Variants in LMX1B observed in about 807,000 individuals in gnomAD.
The protein encoded by LMX1B is LIM homeobox transcription factor 1-beta.
A neutral mutation model predicts 51.4 loss-of-function variants in LMX1B; 12 were observed. The observed-to-expected ratio is 0.23, with a 90% CI of 0.15 to 0.38. The LOEUF is 0.38. Ranked by LOEUF, LMX1B falls within the 10% of genes least tolerant of loss-of-function variation. The pLI is 1.00. For missense variants in LMX1B, 445 were observed against 571.1 expected (o/e 0.78, Z 2.25); for synonymous variants, 237 against 235.4 (o/e 1.01, Z -0.06).
chr9:126,630,701 G>C (rs1304277507), intron 2 of LMX1B, among the ~76,000 whole-genome samples: 3 of 152,178 alleles, frequency 2.0e-5, no homozygotes, highest in Non-Finnish European at 4.4e-5. Context: ...AGTGCCTTCT[G>C]AGTACTTTGC....
intron 2 of LMX1B, among the ~76,000 whole-genome samples, chr9:126,630,276 A>T (rs1260555557): frequency 6.6e-6 from 1 of 151,962 alleles, no homozygotes; most frequent in Non-Finnish European, 1.5e-5. Context: ...GGGGCTATGC[A>T]GCACAGAGTC....
At chr9:126,661,723 C>CAGCGGGGGCCGAGT (rs1472477086) in intron 2 of LMX1B, among the ~76,000 whole-genome samples, 2 of 152,140 alleles carry the variant, frequency 1.3e-5, no homozygotes, top group Non-Finnish European at 2.9e-5. Context: ...GAGCAGGCAC[C>CAGCGGGGGCCGAGT]TGAGAATGCC....
At position 126,669,836 on chromosome 9, in the gene LMX1B, G is replaced by A. The variant is rs1403858091; in HGVS notation, c.327-21000G>A. ...CCCAAAGTTCCTCAGGATCTGGGCAGTCCGCTCCTCTGCCCTTCCCCCAGG... is the reference window on the plus strand; with the variant it reads ...CCCAAAGTTCCTCAGGATCTGGGCAATCCGCTCCTCTGCCCTTCCCCCAGG... On this transcript the variant is annotated intron_variant, in intron 2 of 7. Transcript: ENST00000373474. 2.6e-5 allele frequency among the ~76,000 whole-genome samples: 4 copies of A among 152,142 alleles called. No homozygotes were observed. The East Asian group carries it at 7.7e-4, about 29-fold the overall frequency.
intron 2 of LMX1B, among the ~76,000 whole-genome samples, chr9:126,651,455 C>A (rs968432702): frequency 6.6e-6 from 1 of 152,096 alleles, no homozygotes; most frequent in African/African-American, 2.4e-5. Context: ...AGGGTTGTCT[C>A]AAGGGGACAG....
Position 126,658,391 on chromosome 9 carries a change from G to T in LMX1B, c.327-32445G>T, listed in dbSNP as rs764367033. On this transcript the variant is annotated intron_variant, in intron 2 of 7. Transcript: ENST00000373474. The surrounding 1 kb of genome is among the most constrained non-coding windows in gnomAD (Gnocchi z 4.0). The stretch of plus-strand genomic sequence containing the variant: ...TCGGCTGGCCCTCCCCCTGGCTGCC[G>T]GGCCCGGGCACCCCTGCTGCTGACC... Among the ~76,000 whole-genome samples the T allele has an allele frequency of 6.7e-6, 1 of 148,770 alleles. No individual in the cohort carries two copies. The highest frequency in any genetic ancestry group is 2.1e-4 in the East Asian group (1 of 4,864).
chr9:126,688,966 T>C (rs887737764), intron 2 of LMX1B, among the ~76,000 whole-genome samples: 1 of 152,236 alleles, frequency 6.6e-6, no homozygotes, highest in Non-Finnish European at 1.5e-5. Flanking sequence ...ACCCGTGTAC[T>C]GAGTTACATG....
intron 2 of LMX1B, among the ~76,000 whole-genome samples, chr9:126,645,182 C>A (rs1037061688): frequency 6.6e-6 from 1 of 152,200 alleles, no homozygotes; most frequent in African/African-American, 2.4e-5. Flanking sequence ...AGGGATCTCA[C>A]CTCCCAGAGA....
Position 126,641,899 on chromosome 9 carries a change from G to C in LMX1B, c.326+26330G>C, listed in dbSNP as rs777192639. On this transcript the variant is annotated intron_variant, in intron 2 of 7. Transcript: ENST00000373474. The surrounding 1 kb of genome is among the most constrained non-coding windows in gnomAD (Gnocchi z 4.1). ...GCCCTGGGCAGAGCACTTCACCCAC[G>C]TTCTCTCAGAACTCTGTGAGATAGG... Among the ~76,000 whole-genome samples, 1 of 152,148 alleles carries C rather than the reference G, an allele frequency of 6.6e-6. No homozygotes were observed. Among genetic ancestry groups the C allele is most frequent in the South Asian group, 2.1e-4 (1 of 4,832 alleles).
At chr9:126,667,304 G>A (rs1836359379) in intron 2 of LMX1B, among the ~76,000 whole-genome samples, 1 of 152,212 alleles carries the variant, frequency 6.6e-6, no homozygotes, top group Admixed American at 6.5e-5. Flanking sequence ...ACGCAGATTT[G>A]CTGTATCTTG....
In LMX1B at chr9:126,691,052, C is replaced by G; in HGVS notation, c.543C>G (p.Pro181=). The G allele has an allele frequency of 6.2e-7, 1 of 1,610,768 alleles. No homozygotes were observed. The highest frequency in any genetic ancestry group is 8.5e-7 in the Non-Finnish European group (1 of 1,178,358). Residue 181 remains proline, a synonymous_variant, in exon 3 of 8, where the codon CCC becomes CCG. Coordinates refer to ENST00000373474, the MANE Select transcript of LMX1B (RefSeq NM_001174147.2). ...KEKDLLSSVS[P]DESDSVKSED... is the part of the protein sequence containing the mutation. The stretch of plus-strand genomic sequence containing the variant: ...AGGACCTGCTCAGCTCCGTGAGCCC[C>G]GACGAGTCCGACTCCGGTGAGGCCT...
chr9:126,644,519 G>C (rs2118888483), intron 2 of LMX1B, among the ~76,000 whole-genome samples: 1 of 152,272 alleles, frequency 6.6e-6, no homozygotes, highest in African/African-American at 2.4e-5. Flanking sequence ...AGTTATCTTT[G>C]GGGATCAATT....
Position 126,615,685 on chromosome 9 carries a change from G to GC in LMX1B, c.326+117dup. 1 of 958,184 alleles carries GC rather than the reference G, an allele frequency of 1.0e-6. No individual in the cohort carries two copies. 59.4% of individuals were successfully genotyped at this position (958,184 alleles called of 1,614,324 possible). A position where few individuals can be genotyped will look rare whatever the true frequency, so the allele number is the denominator to read the frequency against. ...CCGGCTCTGTGCGCGGCTGGGCCGG[G>GC]CAGCTCCAAGGGTTCCGAGAGCTGC... On this transcript the variant is annotated intron_variant, in intron 2 of 7. Coordinates refer to ENST00000373474, the MANE Select transcript of LMX1B (RefSeq NM_001174147.2). The surrounding 1 kb of genome is among the most constrained non-coding windows in gnomAD (Gnocchi z 6.0).
chr9:126,634,268 C>T lies in LMX1B; in HGVS notation c.326+18699C>T, dbSNP rs553802484. Among the ~76,000 whole-genome samples, 12 of 152,248 alleles carry T rather than the reference C, an allele frequency of 7.9e-5. No homozygotes were observed. The East Asian group carries it at 2.3e-3, about 29-fold the overall frequency. On this transcript the variant is annotated intron_variant, in intron 2 of 7. Transcript: ENST00000373474. Reference sequence around the variant, plus strand: ...ACCTGGAAGGCACTGTGGTGAAGCCCGGGACTGGAAAGCCTTCTTGCCCAG... The same window carrying T: ...ACCTGGAAGGCACTGTGGTGAAGCCTGGGACTGGAAAGCCTTCTTGCCCAG...
chr9:126,689,317 G>A (rs1279050028), intron 2 of LMX1B, among the ~76,000 whole-genome samples: 3 of 152,202 alleles, frequency 2.0e-5, no homozygotes, highest in African/African-American at 7.2e-5. Context: ...GCAGCTCCAG[G>A]AAGGGAGGCA....
Position 126,617,905 on chromosome 9 carries a change from TGGGGGTG to T in LMX1B, c.326+2354_326+2360del, listed in dbSNP as rs201293683. 2.3e-3 allele frequency among the ~76,000 whole-genome samples: 187 copies of T among 82,262 alleles called. 2 individuals are homozygous for T. The Admixed American group carries it at 0.031, about 14-fold the overall frequency. The allele number at this position is 82,262 out of a possible 152,430, so 54.0% of individuals were successfully genotyped here. On this transcript the variant is annotated intron_variant, in intron 2 of 7. Transcript: ENST00000373474. ...CGTTAGGCCGGCCGGCAGGATGTGC[TGGGGGTG>T]GGGGGTGGGGGGTGGGGTGATTGTT...
intron 1 of LMX1B, 119 bp downstream of exon 1, chr9:126,614,707 G>A (rs1377756059): frequency 1.7e-6 from 2 of 1,172,310 alleles, no homozygotes; most frequent in Non-Finnish European, 2.3e-6. Flanking sequence ...ACATGGGGAG[G>A]AGGCAGAGAC....
At chr9:126,681,610 G>A (rs1442770866) in intron 2 of LMX1B, among the ~76,000 whole-genome samples, 3 of 152,052 alleles carry the variant, frequency 2.0e-5, no homozygotes, top group Non-Finnish European at 4.4e-5. Context: ...TGGTTAAAAT[G>A]CCAATCAGAG....
chr9:126,622,219 C>T (rs1361764383), intron 2 of LMX1B, among the ~76,000 whole-genome samples: 1 of 152,170 alleles, frequency 6.6e-6, no homozygotes. Context: ...CCTGGCTGGC[C>T]TTGGCACTTG....
chr9:126,672,926 C>A (rs1836486386), intron 2 of LMX1B, among the ~76,000 whole-genome samples: 1 of 152,244 alleles, frequency 6.6e-6, no homozygotes. Flanking sequence ...TGCCCAGGCA[C>A]ATGACACTGG....
Sources: gnomAD v4.1 joint callset for allele counts (sites outside exome capture counted in the v4.1 genomes callset) on GRCh38, gnomAD v4.1.1 for gene constraint, Gnocchi (gnomAD v3.1) non-coding constraint, MANE v1.5 for transcripts, NCBI Gene and HGNC (gene_info 2026-07-23, HGNC 2026-07-21) for gene names.